KRIT1: variants seen among roughly 807,000 people sequenced by gnomAD.
The protein encoded by KRIT1 is krev interaction trapped protein 1.
Under a neutral mutation model 95.8 loss-of-function variants are expected in KRIT1, and 45 were observed. That is an observed-to-expected ratio of 0.47 (90% CI 0.37 to 0.60). The LOEUF (loss-of-function observed/expected upper bound fraction) is 0.60. Ranked by LOEUF, KRIT1 falls within the 20% of genes least tolerant of loss-of-function variation. The probability of loss-of-function intolerance (pLI) is 0.00; values close to 1 mark genes in which losing one functional copy is unlikely to be tolerated. For synonymous variants in KRIT1, 282 were observed against 278.8 expected (o/e 1.01, Z -0.11); for missense variants, 788 against 877.5 (o/e 0.90, Z 1.29).
chr7:92,199,953 A>T lies in KRIT1; in HGVS notation c.*783T>A, dbSNP rs1468058997. ...TTTACATTTTAACTAAGACTTTTAA[A>T]AAAATGTTGAGAAATGTTTATAGAC... On this transcript the variant is annotated 3_prime_UTR_variant, in exon 19 of 19. Transcript: ENST00000394505. The T allele has an allele frequency of 6.6e-6, 1 of 152,416 alleles. No homozygotes were observed. The highest frequency in any genetic ancestry group is 1.9e-4 in the East Asian group (1 of 5,204). The allele number at this position is 152,416 out of a possible 1,614,324, so 9.4% of individuals were successfully genotyped here.
intron 14 of KRIT1, among the ~76,000 whole-genome samples, chr7:92,220,721 A>T: frequency 7.8e-6 from 1 of 128,418 alleles, no homozygotes; most frequent in Admixed American, 8.5e-5. Flanking sequence ...TTGAGATGGA[A>T]TCTCATTCTG....
intron 5 of KRIT1, chr7:92,240,756 A>T (rs1799438246): frequency 1.9e-6 from 1 of 534,838 alleles, no homozygotes; most frequent in Non-Finnish European, 3.3e-6. Flanking sequence ...TACCTAGGGA[A>T]CTACACTTCA....
intron 17 of KRIT1, chr7:92,205,661 A>G (rs1355739367): frequency 6.6e-6 from 1 of 151,456 alleles, no homozygotes; most frequent in African/African-American, 2.4e-5. Context: ...GCTTGAACCT[A>G]GGAGGCAGAG....
chr7:92,210,637 G>A (rs1353694842), intron 17 of KRIT1, among the ~76,000 whole-genome samples: 1 of 152,116 alleles, frequency 6.6e-6, no homozygotes, highest in Non-Finnish European at 1.5e-5. Context: ...AGATTTTATG[G>A]TTAAGACTTC....
chr7:92,219,391 G>C (rs1049144612), intron 14 of KRIT1, among the ~76,000 whole-genome samples: 24 of 152,176 alleles, frequency 1.6e-4, no homozygotes, highest in African/African-American at 5.6e-4. Context: ...ATCTGTTGAA[G>C]AGACTATTCT....
At chr7:92,243,065 C>G (rs575318308) in intron 3 of KRIT1, among the ~76,000 whole-genome samples, 1 of 152,174 alleles carries the variant, frequency 6.6e-6, no homozygotes, top group Non-Finnish European at 1.5e-5. Flanking sequence ...AGTGATCCAC[C>G]TGCCTCGGCC....
chr7:92,203,829 G>A (rs1392668550), intron 17 of KRIT1, among the ~76,000 whole-genome samples: 1 of 152,076 alleles, frequency 6.6e-6, no homozygotes, highest in African/African-American at 2.4e-5. Context: ...TTCTTGAAAT[G>A]GTGGGGGGCA....
intron 7 of KRIT1, 171 bp downstream of exon 7, chr7:92,236,242 C>G: frequency 1.8e-6 from 1 of 552,868 alleles, no homozygotes; most frequent in South Asian, 2.2e-5. Flanking sequence ...GCCAGGACAA[C>G]CTTATCTTCG....
intron 1 of KRIT1, chr7:92,245,395 C>T (rs899093332): frequency 1.3e-5 from 2 of 151,918 alleles, no homozygotes; most frequent in African/African-American, 4.8e-5. Flanking sequence ...TATGGTTTCT[C>T]TGTAACTACA....
rs1046195911 is a variant in KRIT1, at chr7:92,243,557, G to A, written c.-3+445C>T. 5.6e-5 allele frequency among the ~76,000 whole-genome samples: 7 copies of A among 124,430 alleles called. 1 individual carries two copies. The highest frequency in any genetic ancestry group is 5.3e-5 in the Non-Finnish European group (3 of 56,782). The allele number at this position is 124,430 out of a possible 152,430, so 81.6% of individuals were successfully genotyped here. A position where few individuals can be genotyped will look rare whatever the true frequency, so the allele number is the denominator to read the frequency against. On this transcript the variant is annotated intron_variant, in intron 3 of 18. Coordinates refer to ENST00000394505, the MANE Select transcript of KRIT1 (RefSeq NM_194454.3). Reference sequence around the variant, plus strand: ...GGGTTTTGAATGTTATTTGAGAGGCGATAGAGTAATTTATCCTGTTTCTTC... The same window carrying A: ...GGGTTTTGAATGTTATTTGAGAGGCAATAGAGTAATTTATCCTGTTTCTTC...
At position 92,213,417 on chromosome 7, in the gene KRIT1, G is replaced by GT. The variant is rs750042904; in HGVS notation, c.1819-17dup. On this transcript the variant is annotated splice_polypyrimidine_tract_variant and intron_variant, in intron 16 of 18. Transcript: ENST00000394505. Reference sequence around the variant, plus strand: ...TACTGAGATTCTAAAAACAAACAAGGTAAATTAAAAATAAAAGAGATATGA... The same window carrying GT: ...TACTGAGATTCTAAAAACAAACAAGGTTAAATTAAAAATAAAAGAGATATGA... The GT allele has an allele frequency of 7.1e-6, 11 of 1,544,090 alleles. No individual in the cohort carries two copies. Among genetic ancestry groups the GT allele is most frequent in the Non-Finnish European group, 1.8e-6 (2 of 1,117,918 alleles).
At chr7:92,221,773 CGCCAATTATCACA>C in intron 14 of KRIT1, 116 bp downstream of exon 14, 1 of 761,246 alleles carries the variant, frequency 1.3e-6, no homozygotes, top group Non-Finnish European at 2.2e-6. Context: ...ACTGAAACTC[CGCCAATTATCACA>C]GGGATGTAAG....
chr7:92,199,337 G>A (rs1450976523), downstream of KRIT1: 1 of 152,146 alleles, frequency 6.6e-6, no homozygotes, highest in Non-Finnish European at 1.5e-5. Context: ...ATAAGCAGAA[G>A]TTAATGTGAA....
intron 17 of KRIT1, among the ~76,000 whole-genome samples, chr7:92,205,006 C>T (rs1256491385): frequency 6.6e-6 from 1 of 152,130 alleles, no homozygotes; most frequent in Non-Finnish European, 1.5e-5. Context: ...AATGACTAAA[C>T]TATGACTGGG....
At chr7:92,233,161 TACACACACACACACACACAC>T in intron 10 of KRIT1, among the ~76,000 whole-genome samples, 1 of 149,472 alleles carries the variant, frequency 6.7e-6, no homozygotes, top group South Asian at 2.1e-4. Context: ...GATCTTTTTA[TACACACACACACACACACAC>T]ACACACACAC....
At chr7:92,221,193 T>G (rs1795069471) in intron 14 of KRIT1, among the ~76,000 whole-genome samples, 1 of 151,986 alleles carries the variant, frequency 6.6e-6, no homozygotes, top group South Asian at 2.1e-4. Context: ...CCCAGCCCTT[T>G]GGGAGGCCAA....
chr7:92,200,865 C>A, intron 18 of KRIT1, 61 bp from the exon 19 acceptor site: 1 of 1,159,790 alleles, frequency 8.6e-7, no homozygotes, highest in Non-Finnish European at 1.3e-6. Flanking sequence ...AAAGGACATT[C>A]ATGACATTGG....
At chr7:92,212,715 T>C (rs980338501) in intron 17 of KRIT1, among the ~76,000 whole-genome samples, 12 of 152,250 alleles carry the variant, frequency 7.9e-5, no homozygotes, top group Admixed American at 3.3e-4. Flanking sequence ...AATCAGTCTA[T>C]AGGGCTTTGT....
rs981469086 is a variant in KRIT1, at chr7:92,237,867, A to G, written c.263-108T>C. 1.4e-5 allele frequency: 9 copies of G among 659,384 alleles called. No homozygotes were observed. The East Asian group carries it at 2.3e-4, about 17-fold the overall frequency. The allele number at this position is 659,384 out of a possible 1,614,324, so 40.8% of individuals were successfully genotyped here. ...ACTTTAAAAGGCAGCATTAAGAGGA[A>G]CTGAAATATACTAAGTCAATTTTAT... On this transcript the variant is annotated intron_variant, in intron 5 of 18. Coordinates refer to ENST00000394505, the MANE Select transcript of KRIT1 (RefSeq NM_194454.3).
Sources: gnomAD v4.1 joint callset for allele counts (sites outside exome capture counted in the v4.1 genomes callset) on GRCh38, gnomAD v4.1.1 for gene constraint, MANE v1.5 for transcripts, NCBI Gene and HGNC (gene_info 2026-07-23, HGNC 2026-07-21) for gene names.